GBF1: variants seen among roughly 807,000 people sequenced by gnomAD.
GBF1 encodes Golgi-specific brefeldin A-resistance guanine nucleotide exchange factor 1.
Under a neutral mutation model 210.5 loss-of-function variants are expected in GBF1, and 114 were observed. The ratio of observed to expected loss-of-function variants is 0.54; its 90% CI spans 0.47 to 0.63. The LOEUF is 0.63. Ranked by LOEUF, GBF1 falls within the 30% of genes least tolerant of loss-of-function variation. The pLI is 0.00. For synonymous variants in GBF1, 850 were observed against 889.2 expected (o/e 0.96, Z 0.78); for missense variants, 1,851 against 2,357.7 (o/e 0.79, Z 4.45).
intron 3 of GBF1, among the ~76,000 whole-genome samples, chr10:102,274,884 G>T (rs1165646874): frequency 6.6e-6 from 1 of 151,316 alleles, no homozygotes; most frequent in Non-Finnish European, 1.5e-5. Flanking sequence ...ACTAATTTTT[G>T]TATTTTTAGT....
intron 15 of GBF1, 95 bp downstream of exon 15, chr10:102,362,759 C>T (rs1275971328): frequency 2.3e-6 from 2 of 876,524 alleles, no homozygotes. Flanking sequence ...ATCACTTCCC[C>T]TGGGATGCTC....
intron 1 of GBF1, among the ~76,000 whole-genome samples, chr10:102,246,651 A>T (rs12411384): frequency 6.6e-6 from 1 of 152,248 alleles, no homozygotes; most frequent in Admixed American, 6.5e-5. Context: ...AGCCAATTGT[A>T]GGGTCAGAGC....
At chr10:102,307,981 A>T (rs1360874044) in intron 3 of GBF1, among the ~76,000 whole-genome samples, 1 of 152,142 alleles carries the variant, frequency 6.6e-6, no homozygotes, top group Non-Finnish European at 1.5e-5. Context: ...AAAATAGCAA[A>T]AATGAAAAAG....
At chr10:102,337,905 TAGG>T (rs1020978896) in intron 3 of GBF1, among the ~76,000 whole-genome samples, 1 of 152,112 alleles carries the variant, frequency 6.6e-6, no homozygotes, top group African/African-American at 2.4e-5. Flanking sequence ...GATGCCCCAC[TAGG>T]AGTTCAACTT....
intron 3 of GBF1, among the ~76,000 whole-genome samples, chr10:102,295,383 T>C (rs2076830265): frequency 6.6e-6 from 1 of 152,236 alleles, no homozygotes; most frequent in Non-Finnish European, 1.5e-5. Context: ...TGGACCTTGT[T>C]TGGATAGTGA....
At chr10:102,298,179 C>T (rs996224166) in intron 3 of GBF1, among the ~76,000 whole-genome samples, 2 of 152,170 alleles carry the variant, frequency 1.3e-5, no homozygotes, top group South Asian at 2.1e-4. Context: ...GTGATCCCCC[C>T]GCCTCAGCCT....
chr10:102,311,051 C>T (rs987724720), intron 3 of GBF1, among the ~76,000 whole-genome samples: 6 of 152,200 alleles, frequency 3.9e-5, no homozygotes, highest in African/African-American at 1.4e-4. Context: ...CCTTCCCATA[C>T]AGTGATATAA....
At chr10:102,357,792 A>G (rs1466135743) in intron 8 of GBF1, among the ~76,000 whole-genome samples, 1 of 152,202 alleles carries the variant, frequency 6.6e-6, no homozygotes, top group Non-Finnish European at 1.5e-5. Context: ...GACTGGCCCT[A>G]CCAATGACCA....
upstream of GBF1, among the ~76,000 whole-genome samples, chr10:102,240,620 A>G (rs1309810070): frequency 1.3e-5 from 2 of 152,080 alleles, no homozygotes; most frequent in African/African-American, 4.8e-5. Context: ...GGAGAGACCC[A>G]CTTCGCTACC....
At chr10:102,257,014 G>A (rs2072487743) in intron 1 of GBF1, among the ~76,000 whole-genome samples, 1 of 152,000 alleles carries the variant, frequency 6.6e-6, no homozygotes, top group Non-Finnish European at 1.5e-5. Flanking sequence ...CTCCAACCTG[G>A]GTGACAGAGT....
intron 10 of GBF1, 144 bp from the exon 11 acceptor site, chr10:102,359,123 C>G: frequency 1.5e-6 from 1 of 660,368 alleles, no homozygotes; most frequent in South Asian, 1.7e-5. Context: ...CCTGAGCCAT[C>G]TTGCGGTGAT....
intron 3 of GBF1, among the ~76,000 whole-genome samples, chr10:102,322,718 C>A (rs1266551912): frequency 3.5e-3 from 281 of 80,466 alleles, no homozygotes; most frequent in African/African-American, 4.6e-3. Flanking sequence ...CTCATCTCTA[C>A]AAAAAAAAAA....
intron 3 of GBF1, among the ~76,000 whole-genome samples, chr10:102,294,025 G>T (rs953422001): frequency 6.6e-6 from 1 of 151,418 alleles, no homozygotes; most frequent in African/African-American, 2.4e-5. Context: ...TGATCCACCC[G>T]CCTCGGCCTC....
At chr10:102,317,670 A>G (rs1192333202) in intron 3 of GBF1, among the ~76,000 whole-genome samples, 3 of 152,204 alleles carry the variant, frequency 2.0e-5, no homozygotes, top group Non-Finnish European at 2.9e-5. Flanking sequence ...CCATAGTCCA[A>G]TCACCTAAAG....
chr10:102,370,396 G>A lies in GBF1; in HGVS notation c.3424G>A (p.Val1142Met). 1.2e-6 allele frequency: 2 copies of A among 1,606,944 alleles called. No individual in the cohort carries two copies. The highest frequency in any genetic ancestry group is 1.1e-5 in the South Asian group (1 of 90,934). Residue 1142 changes from valine to methionine, a missense_variant, in exon 28 of 40, where the codon GTG (valine) becomes ATG (methionine). Physicochemically the swap from Val to Met is conservative, Grantham distance 21. Around this residue, in one of 3 missense-constraint regions of GBF1, gnomAD observed 967 missense variants for 1,247.7 expected, o/e 0.78. Coordinates refer to ENST00000369983, the MANE Select transcript of GBF1 (RefSeq NM_001377137.1). ...TGTTCCCCTTCAGGCTCTGGTCTCAGTGACACCAGATGAAGAGACATATGA... is the reference window on the plus strand; with the variant it reads ...TGTTCCCCTTCAGGCTCTGGTCTCAATGACACCAGATGAAGAGACATATGA... ...LQELMKALVS[V>M]TPDEETYDEE...
chr10:102,350,929 CAAAA>C (rs1249451406), intron 4 of GBF1, among the ~76,000 whole-genome samples: 2 of 151,516 alleles, frequency 1.3e-5, no homozygotes, highest in Admixed American at 1.3e-4. Context: ...ACTAAAAGTA[CAAAA>C]AAAATTAGCT....
intron 4 of GBF1, among the ~76,000 whole-genome samples, chr10:102,349,939 C>G (rs945346420): frequency 6.6e-6 from 1 of 152,182 alleles, no homozygotes; most frequent in Non-Finnish European, 1.5e-5. Flanking sequence ...TGCCTACCCC[C>G]CAGCTAGTCA....
At chr10:102,324,520 T>G (rs2056726626) in intron 3 of GBF1, among the ~76,000 whole-genome samples, 1 of 152,224 alleles carries the variant, frequency 6.6e-6, no homozygotes, top group South Asian at 2.1e-4. Context: ...TGGAGTTGGA[T>G]AGACCTGGCT....
At chr10:102,331,498 T>C (rs1360831174) in intron 3 of GBF1, among the ~76,000 whole-genome samples, 1 of 150,848 alleles carries the variant, frequency 6.6e-6, no homozygotes, top group Non-Finnish European at 1.5e-5. Context: ...AAAAAACAGA[T>C]TGGGGCTGGG....
Sources: gnomAD v4.1 joint callset for allele counts (sites outside exome capture counted in the v4.1 genomes callset) on GRCh38, gnomAD v4.1.1 for gene constraint, gnomAD v4.1.1 regional missense constraint, MANE v1.5 for transcripts, NCBI Gene and HGNC (gene_info 2026-07-23, HGNC 2026-07-21) for gene names.